NKAIN3: variants seen among roughly 807,000 people sequenced by gnomAD.
The protein encoded by NKAIN3 is sodium/potassium transporting ATPase interacting 3, also known as sodium/potassium-transporting ATPase subunit beta-1-interacting protein 3.
In NKAIN3, 25 loss-of-function variants were observed where a neutral mutation model predicts 30.2. The ratio of observed to expected loss-of-function variants is 0.83; its 90% CI spans 0.60 to 1.16. The LOEUF (loss-of-function observed/expected upper bound fraction) is 1.16. Ranked by LOEUF, NKAIN3 falls within the 50% of genes most tolerant of loss-of-function variation. The pLI, the probability that NKAIN3 is intolerant of heterozygous loss-of-function variation, is 0.00. For missense variants in NKAIN3, 225 were observed against 254.1 expected, an observed-to-expected ratio of 0.89 and a Z score of 0.78; for synonymous variants, 91 against 89.6, an observed-to-expected ratio of 1.02 and a Z score of -0.09.
At chr8:62,424,364 A>G (rs1431132510) in intron 1 of NKAIN3, among the ~76,000 whole-genome samples, 3 of 151,986 alleles carry the variant, frequency 2.0e-5, no homozygotes, top group Admixed American at 1.3e-4. Flanking sequence ...AAGGAAACCT[A>G]CACAATGGAG....
chr8:62,759,206 C>G (rs116042441), intron 4 of NKAIN3, among the ~76,000 whole-genome samples: 1 of 151,982 alleles, frequency 6.6e-6, no homozygotes, highest in African/African-American at 2.4e-5. Context: ...TGATACCTTA[C>G]TAATTTAATT....
chr8:62,942,446 A>C (rs2130884656), intron 5 of NKAIN3, among the ~76,000 whole-genome samples: 1 of 151,502 alleles, frequency 6.6e-6, no homozygotes, highest in African/African-American at 2.4e-5. Flanking sequence ...AAATGACCAT[A>C]CTTCCAAAAG....
At chr8:62,500,457 GAAAGAAAGAAAGAA>G (rs1807397999) in intron 1 of NKAIN3, among the ~76,000 whole-genome samples, 1 of 121,224 alleles carries the variant, frequency 8.2e-6, no homozygotes, top group Non-Finnish European at 1.7e-5. Flanking sequence ...AAGAAAGAAA[GAAAGAAAGAAAGAA>G]AGAAAGAAAG....
At chr8:62,871,334 C>T (rs11985263) in intron 4 of NKAIN3, among the ~76,000 whole-genome samples, 207 of 148,460 alleles carry the variant, frequency 1.4e-3, no homozygotes, top group African/African-American at 5.0e-3. Context: ...ACTCAGAAGG[C>T]AGAGGTTGCA....
At chr8:62,950,943 C>A (rs1823267513) in intron 5 of NKAIN3, among the ~76,000 whole-genome samples, 5 of 131,650 alleles carry the variant, frequency 3.8e-5, no homozygotes, top group African/African-American at 1.4e-4. Context: ...TAAACAGAAT[C>A]CTTTTTTTTT....
chr8:62,607,193 G>A (rs145425848), intron 3 of NKAIN3, among the ~76,000 whole-genome samples: 36 of 152,276 alleles, frequency 2.4e-4, no homozygotes, highest in African/African-American at 7.7e-4. Context: ...GCCAGTTATT[G>A]TACACATGTG....
chr8:62,405,245 C>T (rs1287783415), intron 1 of NKAIN3, among the ~76,000 whole-genome samples: 2 of 152,206 alleles, frequency 1.3e-5, no homozygotes, highest in African/African-American at 4.8e-5. Context: ...GGCACAAGCA[C>T]TCCTTTGGCC....
intron 1 of NKAIN3, among the ~76,000 whole-genome samples, chr8:62,256,238 C>A (rs1208554077): frequency 1.3e-5 from 2 of 151,434 alleles, no homozygotes; most frequent in African/African-American, 4.9e-5. Flanking sequence ...CAAAGTGAGA[C>A]CCTGTCTCTA....
chr8:62,249,495 G>C (rs1176356325), intron 1 of NKAIN3, among the ~76,000 whole-genome samples: 2 of 152,246 alleles, frequency 1.3e-5, no homozygotes, highest in Non-Finnish European at 2.9e-5. Flanking sequence ...GAAGTTACAC[G>C]GGGACTTGCG....
intron 4 of NKAIN3, chr8:62,856,179 G>A: frequency 3.9e-6 from 3 of 761,260 alleles, no homozygotes; most frequent in Non-Finnish European, 7.3e-6. Flanking sequence ...CTAGGCAGAA[G>A]CAAACTTCCT....
At chr8:62,357,037 G>C (rs576704113) in intron 1 of NKAIN3, among the ~76,000 whole-genome samples, 1 of 152,154 alleles carries the variant, frequency 6.6e-6, no homozygotes, top group Non-Finnish European at 1.5e-5. Flanking sequence ...GGCAGGTTGA[G>C]GCTGCAGTAA....
chr8:62,362,632 A>G (rs1006389994), intron 1 of NKAIN3, among the ~76,000 whole-genome samples: 2 of 152,230 alleles, frequency 1.3e-5, no homozygotes, highest in Admixed American at 1.3e-4. Flanking sequence ...TACCACAAGG[A>G]TAAAGGAATA....
chr8:62,447,702 C>G (rs1363141085), intron 1 of NKAIN3, among the ~76,000 whole-genome samples: 1 of 151,992 alleles, frequency 6.6e-6, no homozygotes, highest in African/African-American at 2.4e-5. Flanking sequence ...TCATCAGAAG[C>G]AGAAATTCAG....
chr8:62,706,780 G>A (rs574126074), intron 3 of NKAIN3, among the ~76,000 whole-genome samples: 8 of 151,876 alleles, frequency 5.3e-5, no homozygotes, highest in South Asian at 2.1e-4. Context: ...TAGTGCACTC[G>A]TCACCCAAGC....
At chr8:62,559,892 A>T (rs1253067022) in intron 1 of NKAIN3, among the ~76,000 whole-genome samples, 2 of 151,988 alleles carry the variant, frequency 1.3e-5, no homozygotes, top group Non-Finnish European at 2.9e-5. Flanking sequence ...TTCTTATTTG[A>T]TCATTTTATT....
intron 5 of NKAIN3, among the ~76,000 whole-genome samples, chr8:62,930,965 C>T (rs1343915030): frequency 1.3e-5 from 2 of 152,168 alleles, no homozygotes; most frequent in African/African-American, 2.4e-5. Context: ...CCTTGGCCTC[C>T]CAAAGTGCTG....
intron 1 of NKAIN3, among the ~76,000 whole-genome samples, chr8:62,412,666 G>A (rs1021614529): frequency 2.0e-5 from 3 of 151,738 alleles, no homozygotes; most frequent in Non-Finnish European, 4.4e-5. Context: ...AGGCAGAGGC[G>A]GGCGGAACAT....
chr8:62,340,549 G>T (rs967845207), intron 1 of NKAIN3, among the ~76,000 whole-genome samples: 2 of 151,982 alleles, frequency 1.3e-5, no homozygotes, highest in Non-Finnish European at 2.9e-5. Context: ...CCTTTCAGAA[G>T]TTCAAAGTCC....
intron 4 of NKAIN3, among the ~76,000 whole-genome samples, chr8:62,865,348 T>C (rs1042857314): frequency 6.6e-6 from 1 of 152,238 alleles, no homozygotes; most frequent in African/African-American, 2.4e-5. Context: ...TAGCAAGTGT[T>C]CCCAGAGCGT....
Sources: gnomAD v4.1 joint callset for allele counts (sites outside exome capture counted in the v4.1 genomes callset) on GRCh38, gnomAD v4.1.1 for gene constraint, MANE v1.5 for transcripts, NCBI Gene and HGNC (gene_info 2026-07-23, HGNC 2026-07-21) for gene names.